Variants in TSPAN14 observed in about 807,000 individuals in gnomAD.
TSPAN14 encodes the protein tetraspanin-14.
TSPAN14 carries 16 observed loss-of-function variants against 36.6 expected under a neutral mutation model. That is an observed-to-expected ratio of 0.44 (90% CI 0.30 to 0.66). The LOEUF is 0.66. TSPAN14 is among the 30% of genes least tolerant of loss of function. TSPAN14 has a pLI of 0.12. For synonymous variants in TSPAN14, 139 were observed against 143.8 expected (o/e 0.97, Z 0.24); for missense variants, 231 against 355.1 (o/e 0.65, Z 2.81).
intron 1 of TSPAN14, among the ~76,000 whole-genome samples, chr10:80,470,428 C>T (rs1022739945): frequency 6.6e-6 from 1 of 152,180 alleles, no homozygotes; most frequent in African/African-American, 2.4e-5. Context: ...GATGTGGAAC[C>T]TGTGGATATA....
At chr10:80,496,598 G>A (rs1231192285) in intron 2 of TSPAN14, among the ~76,000 whole-genome samples, 1 of 152,088 alleles carries the variant, frequency 6.6e-6, no homozygotes, top group Non-Finnish European at 1.5e-5. Context: ...CCCCTTCCCT[G>A]TCCCATTTCC....
At chr10:80,473,414 C>T (rs1846666570) in intron 1 of TSPAN14, among the ~76,000 whole-genome samples, 1 of 152,218 alleles carries the variant, frequency 6.6e-6, no homozygotes, top group African/African-American at 2.4e-5. Context: ...CTGAGACCCT[C>T]AGACCCTTTG....
At chr10:80,485,839 A>G in intron 1 of TSPAN14, 1 of 364,184 alleles carries the variant, frequency 2.7e-6, no homozygotes, top group Non-Finnish European at 3.8e-6. Flanking sequence ...GGATGGGGGA[A>G]AAAGTGTCAC....
intron 8 of TSPAN14, among the ~76,000 whole-genome samples, chr10:80,517,023 ACCAGGAGTCTTT>A (rs1459756815): frequency 1.3e-5 from 2 of 152,274 alleles, no homozygotes; most frequent in South Asian, 2.1e-4. Context: ...GATCAGAGAA[ACCAGGAGTCTTT>A]CCAGTGCTGT....
chr10:80,516,847 C>T (rs1310058816), intron 8 of TSPAN14, among the ~76,000 whole-genome samples: 5 of 152,216 alleles, frequency 3.3e-5, no homozygotes, highest in Non-Finnish European at 5.9e-5. Context: ...CTGAGGCCTG[C>T]TGCCGTTTGT....
intron 2 of TSPAN14, among the ~76,000 whole-genome samples, chr10:80,494,065 T>G (rs767057486): frequency 1.3e-5 from 2 of 152,218 alleles, no homozygotes; most frequent in Non-Finnish European, 2.9e-5. Context: ...AGTGAAGAAC[T>G]GAGACCCTTT....
chr10:80,495,092 A>G (rs745722412), intron 2 of TSPAN14, among the ~76,000 whole-genome samples: 2 of 152,184 alleles, frequency 1.3e-5, no homozygotes, highest in African/African-American at 4.8e-5. Context: ...AAATTCCCAT[A>G]TTGGACATTT....
chr10:80,504,933 C>T (rs117592311), intron 3 of TSPAN14, among the ~76,000 whole-genome samples, 155 bp downstream of exon 3: 2,668 of 152,302 alleles, frequency 0.018, 103 homozygotes, highest in East Asian at 0.13. Context: ...ACAGCTCTTG[C>T]GTACTCTGCC....
chr10:80,518,138 T>G, exon 9 of TSPAN14: 1 of 749,768 alleles, frequency 1.3e-6, no homozygotes, highest in Non-Finnish European at 2.2e-6. Flanking sequence ...TTGCTGGTGC[T>G]GAAGACCAAG....
At chr10:80,515,470 A>T (rs1840885420) in intron 7 of TSPAN14, 1 of 152,182 alleles carries the variant, frequency 6.6e-6, no homozygotes, top group South Asian at 2.1e-4. Context: ...TAGCATAATT[A>T]CCTCTGTAAA....
intron 1 of TSPAN14, among the ~76,000 whole-genome samples, chr10:80,462,280 C>T (rs758027107): frequency 5.0e-4 from 70 of 140,440 alleles, no homozygotes; most frequent in Admixed American, 1.2e-3. Flanking sequence ...GTGGTCTGGG[C>T]GGTCTTTGAG....
At chr10:80,462,025 C>T (rs967479391) in intron 1 of TSPAN14, among the ~76,000 whole-genome samples, 4 of 151,966 alleles carry the variant, frequency 2.6e-5, no homozygotes, top group Admixed American at 6.6e-5. Context: ...GTGATCCTCC[C>T]GCCTCAGCCT....
intron 1 of TSPAN14, among the ~76,000 whole-genome samples, chr10:80,483,633 G>T (rs1426233925): frequency 6.6e-6 from 1 of 152,122 alleles, no homozygotes; most frequent in Non-Finnish European, 1.5e-5. Flanking sequence ...AGTAGGCCGG[G>T]TATGGTGGCT....
chr10:80,485,623 C>G (rs77058571), intron 1 of TSPAN14: 8 of 985,226 alleles, frequency 8.1e-6, no homozygotes, highest in Non-Finnish European at 9.6e-6. Flanking sequence ...ATGTGGAGAC[C>G]AGGATCTGCC....
chr10:80,517,044 G>T (rs1022695214), intron 8 of TSPAN14, among the ~76,000 whole-genome samples: 3 of 152,208 alleles, frequency 2.0e-5, no homozygotes, highest in Admixed American at 2.0e-4. Context: ...TTCCAGTGCT[G>T]TTCAGGGCTT....
intron 2 of TSPAN14, among the ~76,000 whole-genome samples, chr10:80,496,751 C>T (rs1178161548): frequency 1.3e-5 from 2 of 152,032 alleles, no homozygotes; most frequent in African/African-American, 4.8e-5. Flanking sequence ...GGCTGTTAAA[C>T]CCATCTAGTG....
At chr10:80,492,557 C>T (rs1300722800) in intron 2 of TSPAN14, among the ~76,000 whole-genome samples, 1 of 152,180 alleles carries the variant, frequency 6.6e-6, no homozygotes, top group East Asian at 1.9e-4. Context: ...TGGCTCACAT[C>T]TGTAATCCCA....
intron 1 of TSPAN14, among the ~76,000 whole-genome samples, chr10:80,471,156 C>T (rs1846531320): frequency 6.6e-6 from 1 of 152,082 alleles, no homozygotes. Flanking sequence ...GAGTCAGGCA[C>T]AGGTCCCACT....
At chr10:80,468,454 A>C (rs1006588664) in intron 1 of TSPAN14, 1 of 152,236 alleles carries the variant, frequency 6.6e-6, no homozygotes, top group African/African-American at 2.4e-5. Context: ...CCTCCAGGGA[A>C]GCTGATTGCA....
Sources: gnomAD v4.1 joint callset for allele counts (sites outside exome capture counted in the v4.1 genomes callset) on GRCh38, gnomAD v4.1.1 for gene constraint, MANE v1.5 for transcripts, NCBI Gene and HGNC (gene_info 2026-07-23, HGNC 2026-07-21) for gene names.